Variants in DCPS observed in about 807,000 individuals in gnomAD.
DCPS encodes the protein m7GpppX diphosphatase.
A neutral mutation model predicts 34.7 loss-of-function variants in DCPS; 27 were observed. The observed-to-expected ratio is 0.78, with a 90% confidence interval of 0.57 to 1.07. The LOEUF (loss-of-function observed/expected upper bound fraction) is 1.07. Ranked by LOEUF, DCPS falls within the 50% of genes least tolerant of loss-of-function variation. The pLI, the probability that DCPS is intolerant of heterozygous loss-of-function variation, is 0.00. For missense variants in DCPS, 464 were observed against 436.9 expected, an observed-to-expected ratio of 1.06 and a Z score of -0.55; for synonymous variants, 185 against 185.7, an observed-to-expected ratio of 1.00 and a Z score of 0.03.
At position 126,348,416 on chromosome 11, in the gene DCPS, A is replaced by G. The variant is rs1951957044; in HGVS notation, c.*2803A>G. 6.6e-6 allele frequency among the ~76,000 whole-genome samples: 1 copy of G among 152,238 alleles called. No homozygotes were observed. The highest frequency in any genetic ancestry group is 1.5e-5 in the Non-Finnish European group (1 of 68,036). On this transcript the variant is annotated 3_prime_UTR_variant, in exon 6 of 6. Transcript: ENST00000263579. This position sits in a 1 kb window ranked among gnomAD's most constrained non-coding sequence, Gnocchi z 5.3. The stretch of plus-strand genomic sequence containing the variant: ...GTACATGGAAAGACAAGCCTCTGCT[A>G]GAGGCCTGGCAAGGGTTCCCCTTCA...
chr11:126,345,220 T>C lies in DCPS; in HGVS notation c.748-127T>C. 1 of 1,321,852 alleles carries C rather than the reference T, an allele frequency of 7.6e-7. No homozygotes were observed. The highest frequency in any genetic ancestry group is 1.0e-6 in the Non-Finnish European group (1 of 964,538). The allele number at this position is 1,321,852 out of a possible 1,614,324, so 81.9% of individuals were successfully genotyped here. A position where few individuals can be genotyped will look rare whatever the true frequency, so the allele number is the denominator to read the frequency against. ...AGCAGACAGCAGGTAGAGAGCTGTT[T>C]GGAGGGTTTTTGTGAGCTGTCCCAG... On this transcript the variant is annotated intron_variant, in intron 5 of 5. Coordinates refer to ENST00000263579, the MANE Select transcript of DCPS (RefSeq NM_014026.6). This position sits in a 1 kb window ranked among gnomAD's most constrained non-coding sequence, Gnocchi z 7.4.
rs533865238 is a variant in DCPS at position 126,338,258 on chromosome 11, T to C, written c.523-28T>C. ...TCTCAAGGGGTGATGAGTGGATTTG[T>C]GAACCATCTCTCTCCCCCTCCTTTC... is the stretch of plus-strand genomic sequence containing the variant. On this transcript the variant is annotated intron_variant, in intron 3 of 5. Coordinates refer to ENST00000263579, the MANE Select transcript of DCPS (RefSeq NM_014026.6). The surrounding 1 kb of genome is among the most constrained non-coding windows in gnomAD (Gnocchi z 5.4). The C allele has an allele frequency of 8.7e-5, 139 of 1,605,726 alleles. 3 individuals are homozygous for C. The South Asian group carries it at 1.4e-3, about 16-fold the overall frequency.
chr11:126,311,101 C>T (rs1288225686), intron 2 of DCPS, among the ~76,000 whole-genome samples: 1 of 152,218 alleles, frequency 6.6e-6, no homozygotes, highest in Non-Finnish European at 1.5e-5. Flanking sequence ...CAAGAGGCTG[C>T]TCGTGTGAGC....
In DCPS at chr11:126,338,523, TG is replaced by T. The variant is rs1410347226; in HGVS notation, c.636+126del. 1 of 868,978 alleles carries T rather than the reference TG, an allele frequency of 1.2e-6. No individual in the cohort carries two copies. Among genetic ancestry groups the T allele is most frequent in the East Asian group, 2.6e-5 (1 of 39,070 alleles). 53.8% of individuals were successfully genotyped at this position (868,978 alleles called of 1,614,324 possible). ...CAGATTATAATTAACCAACAAGGGT[TG>T]GCCTGAGCTCTCTGTGGGGACTGGG... On this transcript the variant is annotated intron_variant, in intron 4 of 5. Coordinates refer to ENST00000263579, the MANE Select transcript of DCPS (RefSeq NM_014026.6). The surrounding 1 kb of genome is among the most constrained non-coding windows in gnomAD (Gnocchi z 5.4).
rs1377703953 is a variant in DCPS at position 126,342,733 on chromosome 11, GCT to G, written c.637-571_637-570del. 1.3e-5 allele frequency among the ~76,000 whole-genome samples: 2 copies of G among 152,088 alleles called. No individual in the cohort carries two copies. Among genetic ancestry groups the G allele is most frequent in the African/African-American group, 4.8e-5 (2 of 41,408 alleles). ...CTCTCGGAGGGAGAGAGTTGCCCTT[GCT>G]CTTTCTTGAACCTCCTGGCTCCCTG... is the stretch of plus-strand genomic sequence containing the variant. On this transcript the variant is annotated intron_variant, in intron 4 of 5. Coordinates refer to ENST00000263579, the MANE Select transcript of DCPS (RefSeq NM_014026.6). This position sits in a 1 kb window ranked among gnomAD's most constrained non-coding sequence, Gnocchi z 4.4.
At chr11:126,321,301 G>A (rs1310059596) in intron 2 of DCPS, among the ~76,000 whole-genome samples, 3 of 151,654 alleles carry the variant, frequency 2.0e-5, no homozygotes, top group Non-Finnish European at 4.4e-5. Context: ...ACCAGGTCTG[G>A]AAGAGATTCA....
At position 126,330,719 on chromosome 11, in the gene DCPS, A is replaced by ATTTTTT. The variant is rs1167717646; in HGVS notation, c.377-657_377-652dup. Among the ~76,000 whole-genome samples the ATTTTTT allele has an allele frequency of 2.6e-4, 5 of 18,882 alleles. 1 individual carries two copies. The highest frequency in any genetic ancestry group is 3.5e-4 in the Non-Finnish European group (4 of 11,334). The allele number at this position is 18,882 out of a possible 152,430, so 12.4% of individuals were successfully genotyped here. A position where few individuals can be genotyped will look rare whatever the true frequency, so the allele number is the denominator to read the frequency against. On this transcript the variant is annotated intron_variant, in intron 2 of 5. Coordinates refer to ENST00000263579, the MANE Select transcript of DCPS (RefSeq NM_014026.6). Reference sequence around the variant, plus strand: ...TATATATATATATATATATATATATATTTTTTTTTTTTTTTTTTTTTTTTT... The same window carrying ATTTTTT: ...TATATATATATATATATATATATATATTTTTTTTTTTTTTTTTTTTTTTTTTTTTTT...
intron 2 of DCPS, among the ~76,000 whole-genome samples, chr11:126,309,082 T>C (rs886724530): frequency 2.0e-5 from 3 of 149,640 alleles, no homozygotes; most frequent in Non-Finnish European, 1.5e-5. Context: ...TGGAGTGCAA[T>C]GGCACGTTCT....
At position 126,320,853 on chromosome 11, in the gene DCPS, G is replaced by C. The variant is rs11220452; in HGVS notation, c.377-10552G>C. ...AGGGAGGAGCAGTAACTGGATCTGA[G>C]AGATGACACCTTGGCCAGCAGTCCC... On this transcript the variant is annotated intron_variant, in intron 2 of 5. Transcript: ENST00000263579. This position sits in a 1 kb window ranked among gnomAD's most constrained non-coding sequence, Gnocchi z 4.7. 2.0e-5 allele frequency among the ~76,000 whole-genome samples: 3 copies of C among 152,310 alleles called. No homozygotes were observed. The highest frequency in any genetic ancestry group is 1.3e-4 in the Admixed American group (2 of 15,300).
At chr11:126,340,085 G>A (rs1021323443) in intron 4 of DCPS, among the ~76,000 whole-genome samples, 6 of 152,160 alleles carry the variant, frequency 3.9e-5, no homozygotes, top group South Asian at 4.1e-4. Flanking sequence ...TTGAGCCCAC[G>A]GCAGAGAAGA....
chr11:126,328,360 A>G lies in DCPS; in HGVS notation c.377-3045A>G, dbSNP rs573990342. On this transcript the variant is annotated intron_variant, in intron 2 of 5. Transcript: ENST00000263579. The surrounding 1 kb of genome is among the most constrained non-coding windows in gnomAD (Gnocchi z 6.6). The stretch of plus-strand genomic sequence containing the variant: ...CCTGAGGGAAGCCAGGCCCCTTAGG[A>G]GTGAGTGCTCTAGGGGGACGTGGGG... 6.6e-6 allele frequency among the ~76,000 whole-genome samples: 1 copy of G among 152,066 alleles called. No individual in the cohort carries two copies. The highest frequency in any genetic ancestry group is 2.1e-4 in the South Asian group (1 of 4,804).
rs1249234509 is a variant in DCPS, at chr11:126,323,699, C to A, written c.377-7706C>A. On this transcript the variant is annotated intron_variant, in intron 2 of 5. Transcript: ENST00000263579. This position sits in a 1 kb window ranked among gnomAD's most constrained non-coding sequence, Gnocchi z 4.4. Reference sequence around the variant, plus strand: ...GACTACAGGCATGTGCTATCACACCCAGCTAATTTTTGTATTTTTTGTAGA... The same window carrying A: ...GACTACAGGCATGTGCTATCACACCAAGCTAATTTTTGTATTTTTTGTAGA... 6.6e-6 allele frequency among the ~76,000 whole-genome samples: 1 copy of A among 151,970 alleles called. No individual in the cohort carries two copies. The highest frequency in any genetic ancestry group is 2.4e-5 in the African/African-American group (1 of 41,380).
intron 1 of DCPS, among the ~76,000 whole-genome samples, chr11:126,305,492 C>T (rs1951556581): frequency 7.3e-6 from 1 of 136,786 alleles, no homozygotes; most frequent in African/African-American, 2.8e-5. Flanking sequence ...ACTATCTTGG[C>T]TCACTGCAAC....
rs1008625825 is a variant in DCPS at position 126,304,074 on chromosome 11, C to T, written c.-7C>T. On this transcript the variant is annotated 5_prime_UTR_variant, in exon 1 of 6. Transcript: ENST00000263579. ...GGGGCGCAGGCGCACACCGCCTCCG[C>T]GGCAGCATGGCGGACGCAGCTCCTC... The T allele has an allele frequency of 1.3e-6, 2 of 1,588,530 alleles. No individual in the cohort carries two copies. Among genetic ancestry groups the T allele is most frequent in the African/African-American group, 1.3e-5 (1 of 74,392 alleles).
rs1398885419 is a variant in DCPS, at chr11:126,331,415, G to T, written c.387G>T (p.Thr129=). The change falls in exon 3 of 6, where the codon ACG becomes ACT. Residue 129 remains threonine (T), a synonymous_variant. Coordinates refer to ENST00000263579, the MANE Select transcript of DCPS (RefSeq NM_014026.6). The surrounding 1 kb of genome is among the most constrained non-coding windows in gnomAD (Gnocchi z 7.2). ...GCTGTATCATTGCAGATGTAAAGAC[G>T]ACCGTGGTTTACCCTGCCACAGAGA... ...FPPRQLNDVK[T]TVVYPATEKH... The T allele has an allele frequency of 6.2e-7, 1 of 1,613,978 alleles. No homozygotes were observed. Among genetic ancestry groups the T allele is most frequent in the Admixed American group, 1.7e-5 (1 of 59,994 alleles).
Position 126,348,903 on chromosome 11 carries a change from C to T in DCPS, c.*3290C>T, listed in dbSNP as rs908716333. On this transcript the variant is annotated 3_prime_UTR_variant, in exon 6 of 6. Transcript: ENST00000263579. This position sits in a 1 kb window ranked among gnomAD's most constrained non-coding sequence, Gnocchi z 5.3. ...CTTCCTTTTTACGAAGAAATGGGCTCAGGATGTCTTGTCCAGCATTATGGA... is the reference window on the plus strand; with the variant it reads ...CTTCCTTTTTACGAAGAAATGGGCTTAGGATGTCTTGTCCAGCATTATGGA... 7.9e-5 allele frequency among the ~76,000 whole-genome samples: 12 copies of T among 152,202 alleles called. No individual in the cohort carries two copies. The highest frequency in any genetic ancestry group is 2.9e-4 in the African/African-American group (12 of 41,450).
At position 126,349,223 on chromosome 11, in the gene DCPS, A is replaced by G. The variant is rs1437647280; in HGVS notation, c.*3610A>G. Among the ~76,000 whole-genome samples, 1 of 152,234 alleles carries G rather than the reference A, an allele frequency of 6.6e-6. No homozygotes were observed. The highest frequency in any genetic ancestry group is 1.5e-5 in the Non-Finnish European group (1 of 68,044). Reference sequence around the variant, plus strand: ...AATGGCAAATGCCAGCCCCTCTGGCAGCATGACACCTTGGTCCTGTGTGCT... The same window carrying G: ...AATGGCAAATGCCAGCCCCTCTGGCGGCATGACACCTTGGTCCTGTGTGCT... On this transcript the variant is annotated 3_prime_UTR_variant, in exon 6 of 6. Transcript: ENST00000263579. The surrounding 1 kb of genome is among the most constrained non-coding windows in gnomAD (Gnocchi z 5.4).
rs528436179 is a variant in DCPS at position 126,338,211 on chromosome 11, C to T, written c.523-75C>T. ...GTCTCCTGGAGAGGCCAGGGAATGC[C>T]CTGAGCTCAGTTTGGGGTATCTCTC... is the stretch of plus-strand genomic sequence containing the variant. On this transcript the variant is annotated intron_variant, in intron 3 of 5. Transcript: ENST00000263579. This position sits in a 1 kb window ranked among gnomAD's most constrained non-coding sequence, Gnocchi z 5.4. The T allele has an allele frequency of 4.3e-5, 62 of 1,425,382 alleles. No individual in the cohort carries two copies. The highest frequency in any genetic ancestry group is 7.2e-5 in the Admixed American group (4 of 55,902). The allele number at this position is 1,425,382 out of a possible 1,614,324, so 88.3% of individuals were successfully genotyped here.
rs1338481403 is a variant in DCPS, at chr11:126,327,781, G to A, written c.377-3624G>A. 6.6e-6 allele frequency among the ~76,000 whole-genome samples: 1 copy of A among 152,202 alleles called. No individual in the cohort carries two copies. The highest frequency in any genetic ancestry group is 1.5e-5 in the Non-Finnish European group (1 of 68,022). On this transcript the variant is annotated intron_variant, in intron 2 of 5. Coordinates refer to ENST00000263579, the MANE Select transcript of DCPS (RefSeq NM_014026.6). The surrounding 1 kb of genome is among the most constrained non-coding windows in gnomAD (Gnocchi z 4.1). Reference sequence around the variant, plus strand: ...AAAGGCCAGATTCATTGATTCATTTGTTCACTAAGTATTTACTGAGTGCTT... The same window carrying A: ...AAAGGCCAGATTCATTGATTCATTTATTCACTAAGTATTTACTGAGTGCTT...
Sources: gnomAD v4.1 joint callset for allele counts (sites outside exome capture counted in the v4.1 genomes callset) on GRCh38, gnomAD v4.1.1 for gene constraint, Gnocchi (gnomAD v3.1) non-coding constraint, MANE v1.5 for transcripts, NCBI Gene and HGNC (gene_info 2026-07-23, HGNC 2026-07-21) for gene names.